The following KCNAB3 variants were observed in gnomAD, a reference collection of about 807,000 sequenced individuals.
KCNAB3 encodes the protein voltage-gated potassium channel subunit beta-3.
Under a neutral mutation model 67.7 loss-of-function variants are expected in KCNAB3, and 62 were observed. The observed-to-expected ratio is 0.92, with a 90% CI of 0.75 to 1.13. The LOEUF (loss-of-function observed/expected upper bound fraction) is 1.13. KCNAB3 is among the 50% of genes most tolerant of loss of function. The pLI is 0.00. For synonymous variants in KCNAB3, 212 were observed against 205.4 expected (o/e 1.03, Z -0.27); for missense variants, 514 against 522.9 (o/e 0.98, Z 0.17).
At chr17:7,924,644 C>T (rs1972166529) in intron 8 of KCNAB3, 144 bp from the exon 9 acceptor site, 9 of 1,398,738 alleles carry the variant, frequency 6.4e-6, no homozygotes, top group Non-Finnish European at 8.3e-6. Context: ...GCCTCTCTTC[C>T]TGTCCACATC....
Position 7,929,822 on chromosome 17 carries a change from TGGGCTC to T in KCNAB3, c.-393_-388del. ...CAGCGCGAACCGCTGCGGGACCCGC[TGGGCTC>T]CCAGCCGCGTCGGCAGCGGGCCCAG... On this transcript the variant is annotated 5_prime_UTR_variant, in exon 1 of 14. Transcript: ENST00000303790. This position sits in a 1 kb window ranked among gnomAD's most constrained non-coding sequence, Gnocchi z 5.7. The T allele has an allele frequency of 2.3e-5, 25 of 1,066,396 alleles. No homozygotes were observed. Among genetic ancestry groups the T allele is most frequent in the South Asian group, 1.1e-4 (4 of 36,046 alleles). The allele number at this position is 1,066,396 out of a possible 1,614,324, so 66.1% of individuals were successfully genotyped here. A position where few individuals can be genotyped will look rare whatever the true frequency, so the allele number is the denominator to read the frequency against.
chr17:7,926,721 C>T (rs535466954), intron 4 of KCNAB3, among the ~76,000 whole-genome samples: 24 of 152,144 alleles, frequency 1.6e-4, no homozygotes, highest in South Asian at 4.1e-4. Context: ...TGTGCACTTT[C>T]GCAGACATGT....
chr17:7,929,720 G>T lies in KCNAB3; in HGVS notation c.-285C>A. 2 of 1,310,024 alleles carry T rather than the reference G, an allele frequency of 1.5e-6. No homozygotes were observed. The highest frequency in any genetic ancestry group is 3.1e-5 in the African/African-American group (2 of 63,906). 81.2% of individuals were successfully genotyped at this position (1,310,024 alleles called of 1,614,324 possible). ...GATTAGGAGGGGGAAATGGATGAGGGTAAAGGTCGAGGATGAGGTAAAGGT... is the reference window on the plus strand; with the variant it reads ...GATTAGGAGGGGGAAATGGATGAGGTTAAAGGTCGAGGATGAGGTAAAGGT... On this transcript the variant is annotated 5_prime_UTR_variant, in exon 1 of 14. Transcript: ENST00000303790. This position sits in a 1 kb window ranked among gnomAD's most constrained non-coding sequence, Gnocchi z 5.7.
At position 7,929,834 on chromosome 17, in the gene KCNAB3, C is replaced by A. The variant is rs1454627214; in HGVS notation, c.-399G>T. ...CTGCGGGACCCGCTGGGCTCCCAGC[C>A]GCGTCGGCAGCGGGCCCAGCTCATC... On this transcript the variant is annotated 5_prime_UTR_variant, in exon 1 of 14. Coordinates refer to ENST00000303790, the MANE Select transcript of KCNAB3 (RefSeq NM_004732.4). This position sits in a 1 kb window ranked among gnomAD's most constrained non-coding sequence, Gnocchi z 5.7. The A allele has an allele frequency of 4.0e-5, 41 of 1,026,736 alleles. No individual in the cohort carries two copies. The highest frequency in any genetic ancestry group is 2.8e-4 in the South Asian group (8 of 28,092). The allele number at this position is 1,026,736 out of a possible 1,614,324, so 63.6% of individuals were successfully genotyped here. A position where few individuals can be genotyped will look rare whatever the true frequency, so the allele number is the denominator to read the frequency against.
At chr17:7,927,615 C>T in intron 3 of KCNAB3, 42 bp downstream of exon 3, 2 of 1,611,984 alleles carry the variant, frequency 1.2e-6, no homozygotes, top group Non-Finnish European at 1.7e-6. Flanking sequence ...TTTCAAGTTC[C>T]CTCACCCCCA....
intron 12 of KCNAB3, 27 bp downstream of exon 12, chr17:7,923,683 AG>A (rs1431265914): frequency 6.4e-7 from 1 of 1,553,880 alleles, no homozygotes; most frequent in African/African-American, 1.4e-5. Context: ...AGGAGGAGAC[AG>A]GGCCCCTGCA....
intron 1 of KCNAB3, chr17:7,928,989 T>C: frequency 1.2e-6 from 1 of 801,598 alleles, no homozygotes; most frequent in Non-Finnish European, 1.9e-6. Flanking sequence ...CCAGTCAACC[T>C]TGGTAAACTT....
intron 1 of KCNAB3, chr17:7,928,033 G>A: frequency 1.6e-6 from 1 of 619,256 alleles, no homozygotes; most frequent in East Asian, 2.7e-5. Context: ...TGAACCATAT[G>A]TGACTGTTCC....
intron 6 of KCNAB3, 72 bp downstream of exon 6, chr17:7,925,859 C>A: frequency 6.5e-7 from 1 of 1,535,508 alleles, no homozygotes; most frequent in South Asian, 1.1e-5. Context: ...TAGCTGTCCC[C>A]ACCCCCACCC....
In KCNAB3 at chr17:7,928,967, G is replaced by C. The variant is rs1298750386; in HGVS notation, c.242+227C>G. On this transcript the variant is annotated intron_variant, in intron 1 of 13. Coordinates refer to ENST00000303790, the MANE Select transcript of KCNAB3 (RefSeq NM_004732.4). ...AGGGAAGCTCAGGGGCATCCCCTGG[G>C]TCTGACAGGACCCAGTCAACCTTGG... The C allele has an allele frequency of 1.4e-5, 9 of 653,218 alleles. No homozygotes were observed. The East Asian group carries it at 1.5e-4, about 11-fold the overall frequency. 40.5% of individuals were successfully genotyped at this position (653,218 alleles called of 1,614,324 possible).
At chr17:7,927,307 T>C in intron 4 of KCNAB3, 37 bp downstream of exon 4, 1 of 1,583,248 alleles carries the variant, frequency 6.3e-7, no homozygotes, top group Non-Finnish European at 8.7e-7. Context: ...CTCTCAGCCT[T>C]CCAAATGGAG....
rs376057518 is a variant in KCNAB3, at chr17:7,923,730, G to A, written c.1029C>T (p.Thr343=). Residue 343 remains threonine (T), a synonymous_variant, in exon 12 of 14, where the codon ACC becomes ACT. Coordinates refer to ENST00000303790, the MANE Select transcript of KCNAB3 (RefSeq NM_004732.4). ...LLPVAHQLGC[T]VAQLAIAWCL... ...TCTCACCAATAGCAAGCTGGGCCACGGTGCAGCCCAGCTGGTGAGCGACAG... is the reference window on the plus strand; with the variant it reads ...TCTCACCAATAGCAAGCTGGGCCACAGTGCAGCCCAGCTGGTGAGCGACAG... 4 of 1,564,830 alleles carry A rather than the reference G, an allele frequency of 2.6e-6. No individual in the cohort carries two copies. Among genetic ancestry groups the A allele is most frequent in the Non-Finnish European group, 1.7e-6 (2 of 1,153,814 alleles).
chr17:7,925,187 G>A lies in KCNAB3; in HGVS notation c.539-4C>T. 1 of 1,613,024 alleles carries A rather than the reference G, an allele frequency of 6.2e-7. No individual in the cohort carries two copies. The highest frequency in any genetic ancestry group is 8.5e-7 in the Non-Finnish European group (1 of 1,179,268). The stretch of plus-strand genomic sequence containing the variant: ...CGTTCCAGGGATCCTCGCAAGCCTG[G>A]AGGTGGGGTAGGGAGAAGAAAATAA... On this transcript the variant is annotated splice_region_variant and splice_polypyrimidine_tract_variant and intron_variant, in intron 7 of 13. Coordinates refer to ENST00000303790, the MANE Select transcript of KCNAB3 (RefSeq NM_004732.4).
At chr17:7,927,851 AG>A in intron 1 of KCNAB3, 25 bp from the exon 2 acceptor site, 1 of 1,613,590 alleles carries the variant, frequency 6.2e-7, no homozygotes, top group Non-Finnish European at 8.5e-7. Flanking sequence ...AGCAGCGGGA[AG>A]GGGTGGAGCC....
At chr17:7,928,093 G>T (rs1483518976) in intron 1 of KCNAB3, 4 of 577,678 alleles carry the variant, frequency 6.9e-6, no homozygotes, top group Non-Finnish European at 1.2e-5. Flanking sequence ...CATTGAAGAC[G>T]TGCAGTCTGG....
In KCNAB3 at chr17:7,929,349, CCCGGGGCCCGG is replaced by C. The variant is rs1318088788; in HGVS notation, c.76_86del (p.Pro26GlyfsTer3). 1 of 1,549,668 alleles carries C rather than the reference CCCGGGGCCCGG, an allele frequency of 6.5e-7. No individual in the cohort carries two copies. The highest frequency in any genetic ancestry group is 1.2e-5 in the South Asian group (1 of 84,198). Reference sequence around the variant, plus strand: ...CGCCGGCCGGCCCACCATTACCGCCCCCGGGGCCCGGCCGGGGTCCACACAGACGGTCCTCA... The same window carrying C: ...CGCCGGCCGGCCCACCATTACCGCCCCCGGGGTCCACACAGACGGTCCTCA... On this transcript the variant is annotated frameshift_variant, in exon 1 of 14. Transcript: ENST00000303790. LOFTEE classifies it high-confidence loss of function. The surrounding 1 kb of genome is among the most constrained non-coding windows in gnomAD (Gnocchi z 5.7).
In KCNAB3 at chr17:7,923,468, C is replaced by CAGGT. The variant is rs1972113767; in HGVS notation, c.1121_1124dup (p.Gly376ProfsTer117). Reference sequence around the variant, plus strand: ...GTCCCCGGCTCACCTGTAGCGCGCCCAGGTGTTCTATCAACTGCTCCGCAC... The same window carrying CAGGT: ...GTCCCCGGCTCACCTGTAGCGCGCCCAGGTAGGTGTTCTATCAACTGCTCCGCAC... On this transcript the variant is annotated frameshift_variant, in exon 13 of 14. Coordinates refer to ENST00000303790, the MANE Select transcript of KCNAB3 (RefSeq NM_004732.4). LOFTEE classifies it high-confidence loss of function. 2 of 1,611,024 alleles carry CAGGT rather than the reference C, an allele frequency of 1.2e-6. No individual in the cohort carries two copies. Among genetic ancestry groups the CAGGT allele is most frequent in the South Asian group, 2.2e-5 (2 of 90,390 alleles).
chr17:7,929,825 G>GATTA lies in KCNAB3; in HGVS notation c.-391_-390insTAAT. ...CGCGAACCGCTGCGGGACCCGCTGG[G>GATTA]CTCCCAGCCGCGTCGGCAGCGGGCC... On this transcript the variant is annotated 5_prime_UTR_variant, in exon 1 of 14. Coordinates refer to ENST00000303790, the MANE Select transcript of KCNAB3 (RefSeq NM_004732.4). This position sits in a 1 kb window ranked among gnomAD's most constrained non-coding sequence, Gnocchi z 5.7. The GATTA allele has an allele frequency of 9.8e-7, 1 of 1,016,224 alleles. No homozygotes were observed. The highest frequency in any genetic ancestry group is 1.2e-6 in the Non-Finnish European group (1 of 850,660). The allele number at this position is 1,016,224 out of a possible 1,614,324, so 63.0% of individuals were successfully genotyped here.
chr17:7,922,140 T>A lies in KCNAB3; in HGVS notation c.*962A>T, dbSNP rs1453863778. On this transcript the variant is annotated 3_prime_UTR_variant, in exon 14 of 14. Coordinates refer to ENST00000303790, the MANE Select transcript of KCNAB3 (RefSeq NM_004732.4). ...GGCGAGAGGGCCAGACAAGTGAGAC[T>A]GTGACCCTAACCTCCCAAGCCCCTG... The A allele has an allele frequency of 6.6e-6, 1 of 152,186 alleles. No individual in the cohort carries two copies. Among genetic ancestry groups the A allele is most frequent in the East Asian group, 1.9e-4 (1 of 5,188 alleles). The allele number at this position is 152,186 out of a possible 1,614,324, so 9.4% of individuals were successfully genotyped here. A position where few individuals can be genotyped will look rare whatever the true frequency, so the allele number is the denominator to read the frequency against.
Sources: allele counts gnomAD v4.1 joint callset (sites outside exome capture counted in the v4.1 genomes callset), GRCh38; gene constraint gnomAD v4.1.1; non-coding constraint Gnocchi (gnomAD v3.1); transcripts MANE v1.5; gene names NCBI Gene and HGNC (gene_info 2026-07-23, HGNC 2026-07-21).